AMOTL1: variants seen among roughly 807,000 people sequenced by gnomAD.
AMOTL1 encodes angiomotin-like protein 1.
A neutral mutation model predicts 102.9 loss-of-function variants in AMOTL1; 45 were observed. The observed-to-expected ratio is 0.44, with a 90% CI of 0.34 to 0.56. The LOEUF (loss-of-function observed/expected upper bound fraction) is 0.56, where lower values mean the gene tolerates loss of function less well. Among genes scored for constraint, AMOTL1 ranks in the 20% least tolerant of loss-of-function variants. The probability of loss-of-function intolerance (pLI) is 0.01; values close to 1 mark genes in which losing one functional copy is unlikely to be tolerated. For missense variants in AMOTL1, 1,114 were observed against 1,225.6 expected, an observed-to-expected ratio of 0.91 and a Z score of 1.36; for synonymous variants, 481 against 484.7, an observed-to-expected ratio of 0.99 and a Z score of 0.10.
At position 94,875,915 on chromosome 11, in the gene AMOTL1, A is replaced by C. The variant is rs910772470; in HGVS notation, c.*5120A>C. The C allele has an allele frequency of 1.3e-5, 2 of 152,606 alleles. No homozygotes were observed. The highest frequency in any genetic ancestry group is 6.5e-5 in the Admixed American group (1 of 15,278). 9.5% of individuals were successfully genotyped at this position (152,606 alleles called of 1,614,324 possible). ...ATATAAGTGCATAATCATTCATATA[A>C]ACATCTGGTAGGTATTCTGTAAAAC... On this transcript the variant is annotated 3_prime_UTR_variant, in exon 13 of 13. Transcript: ENST00000433060.
intron 1 of AMOTL1, among the ~76,000 whole-genome samples, chr11:94,781,371 A>C (rs1247679079): frequency 6.6e-6 from 1 of 152,214 alleles, no homozygotes; most frequent in African/African-American, 2.4e-5. Context: ...CTGGGCAGGG[A>C]GATAACTCAT....
Position 94,866,162 on chromosome 11 carries a change from A to G in AMOTL1, c.2482A>G (p.Ser828Gly), listed in dbSNP as rs772375191. The change falls in exon 11 of 13, where the codon AGC (serine) becomes GGC (glycine). Residue 828 changes from serine to glycine, a missense_variant. Coordinates refer to ENST00000433060, the MANE Select transcript of AMOTL1 (RefSeq NM_130847.3). ...EKKEEKTWKG[S>G]IGLLLGKEHH... ...GAAGGAAGAGAAGACCTGGAAGGGGAGCATAGGTGAGCCCCACACCTCTGT... is the reference window on the plus strand; with the variant it reads ...GAAGGAAGAGAAGACCTGGAAGGGGGGCATAGGTGAGCCCCACACCTCTGT... 1.2e-4 allele frequency: 193 copies of G among 1,613,678 alleles called. No homozygotes were observed. The highest frequency in any genetic ancestry group is 1.5e-4 in the Non-Finnish European group (181 of 1,179,764).
upstream of AMOTL1, chr11:94,768,275 G>A: frequency 8.1e-6 from 10 of 1,240,990 alleles, no homozygotes; most frequent in Non-Finnish European, 1.0e-5. Context: ...CGGCGGGGGT[G>A]GAGTGTAGGG....
At chr11:94,778,365 A>G (rs1047265051) in intron 1 of AMOTL1, among the ~76,000 whole-genome samples, 4 of 152,076 alleles carry the variant, frequency 2.6e-5, no homozygotes, top group Non-Finnish European at 5.9e-5. Context: ...TGCCCTTTGG[A>G]TATCTTTTTT....
chr11:94,809,965 T>C (rs1033770051), intron 3 of AMOTL1, among the ~76,000 whole-genome samples: 3 of 152,222 alleles, frequency 2.0e-5, no homozygotes, highest in Non-Finnish European at 4.4e-5. Flanking sequence ...TACATAGATA[T>C]ACTAGACACA....
At chr11:94,715,675 T>C (rs1318644747) in intron 1 of AMOTL1, among the ~76,000 whole-genome samples, 1 of 152,174 alleles carries the variant, frequency 6.6e-6, no homozygotes, top group East Asian at 1.9e-4. Flanking sequence ...AAATATATTG[T>C]GTCAGGTCCT....
chr11:94,800,094 A>G lies in AMOTL1; in HGVS notation c.904A>G (p.Lys302Glu), dbSNP rs1389879188. ...GCCCTCCCCTGCCCAGCCTGCAGGT[A>G]AAGTGCTGGACCCTCGGGGTCCTCC... ...GGPSPAQPAG[K>E]VLDPRGPPPE... The change falls in exon 3 of 13, where the codon AAA becomes GAA. Residue 302 changes from lysine to glutamate, a missense_variant. By Grantham distance (56) the Lys-to-Glu change is moderately conservative (BLOSUM62 1). Transcript: ENST00000433060. 13 of 1,613,810 alleles carry G rather than the reference A, an allele frequency of 8.1e-6. No homozygotes were observed. The highest frequency in any genetic ancestry group is 6.7e-5 in the East Asian group (3 of 44,892).
At chr11:94,715,680 G>A (rs1482421922) in intron 1 of AMOTL1, among the ~76,000 whole-genome samples, 2 of 152,088 alleles carry the variant, frequency 1.3e-5, no homozygotes, top group African/African-American at 4.8e-5. Context: ...TATTGTGTCA[G>A]GTCCTTCTGG....
chr11:94,841,542 T>C (rs1952302674), intron 6 of AMOTL1, among the ~76,000 whole-genome samples: 1 of 152,252 alleles, frequency 6.6e-6, no homozygotes, highest in Non-Finnish European at 1.5e-5. Flanking sequence ...TGATTTAAAA[T>C]GGAATCACTA....
At chr11:94,716,451 C>A (rs996577446) in intron 1 of AMOTL1, among the ~76,000 whole-genome samples, 7 of 152,124 alleles carry the variant, frequency 4.6e-5, no homozygotes, top group Admixed American at 4.6e-4. Flanking sequence ...TATTTTAGAA[C>A]ATGCTTCATA....
chr11:94,766,779 T>A (rs2135508080), upstream of AMOTL1, among the ~76,000 whole-genome samples: 1 of 152,362 alleles, frequency 6.6e-6, no homozygotes, highest in South Asian at 2.1e-4. Flanking sequence ...ATTGGACAAG[T>A]CATTCAACAG....
In AMOTL1 at chr11:94,818,925, C is replaced by T. The variant is rs115882883; in HGVS notation, c.1122-2605C>T. On this transcript the variant is annotated intron_variant, in intron 3 of 12. Coordinates refer to ENST00000433060, the MANE Select transcript of AMOTL1 (RefSeq NM_130847.3). ...TTTACATATATAAACCACTTTCATA[C>T]CTGCCTATTGATGTGTGGACTTCAG... Among the ~76,000 whole-genome samples, 135 of 152,288 alleles carry T rather than the reference C, an allele frequency of 8.9e-4. 1 individual carries two copies. Among genetic ancestry groups the T allele is most frequent in the African/African-American group, 3.2e-3 (131 of 41,558 alleles).
intron 3 of AMOTL1, among the ~76,000 whole-genome samples, chr11:94,758,594 C>G (rs1392649551): frequency 6.6e-6 from 1 of 152,178 alleles, no homozygotes; most frequent in African/African-American, 2.4e-5. Flanking sequence ...CCAGCACTGT[C>G]ATGAGCCTCA....
intron 3 of AMOTL1, among the ~76,000 whole-genome samples, chr11:94,806,601 C>T (rs909857789): frequency 7.2e-5 from 11 of 152,206 alleles, no homozygotes; most frequent in African/African-American, 2.2e-4. Context: ...GGAGTTTCTC[C>T]GGTATTTAGG....
chr11:94,795,139 A>G lies in AMOTL1; in HGVS notation c.178A>G (p.Ser60Gly), dbSNP rs752386971. ...ATCTGCTTTGACGGTGGAGGCAACC[A>G]GTAGCATCAGGGAAAAAGTTGGTAA... ...ETSALTVEAT[S>G]SIREKVVEDP... Residue 60 changes from serine to glycine, a missense_variant, in exon 2 of 13, where the codon AGT becomes GGT. Transcript: ENST00000433060. 6 of 1,613,834 alleles carry G rather than the reference A, an allele frequency of 3.7e-6. No individual in the cohort carries two copies. The highest frequency in any genetic ancestry group is 5.1e-6 in the Non-Finnish European group (6 of 1,179,822).
chr11:94,747,658 A>C (rs1483590446), intron 3 of AMOTL1, among the ~76,000 whole-genome samples: 2 of 152,226 alleles, frequency 1.3e-5, no homozygotes, highest in Admixed American at 1.3e-4. Flanking sequence ...CCCCAGTGTC[A>C]GTGGCTTAAC....
At chr11:94,845,350 G>T (rs887435067) in intron 6 of AMOTL1, among the ~76,000 whole-genome samples, 2 of 152,210 alleles carry the variant, frequency 1.3e-5, no homozygotes, top group African/African-American at 4.8e-5. Flanking sequence ...TAACGTACGG[G>T]TGGAGACACA....
In AMOTL1 at chr11:94,830,095, G is replaced by A. The variant is rs1404679418; in HGVS notation, c.1459G>A (p.Val487Ile). The A allele has an allele frequency of 6.2e-7, 1 of 1,609,462 alleles. No individual in the cohort carries two copies. The change falls in exon 5 of 13, where the codon GTC becomes ATC. Residue 487 changes from valine (V) to isoleucine (I), a missense_variant. Coordinates refer to ENST00000433060, the MANE Select transcript of AMOTL1 (RefSeq NM_130847.3). ...AATTTCGGAAGCCTATGAAAGTCTG[G>A]TCAAGTCTACCACCAAGCGAGAATC... is the stretch of plus-strand genomic sequence containing the variant. The part of the protein sequence containing the change: ...QRISEAYESL[V>I]KSTTKRESLD...
At chr11:94,710,041 C>T (rs931088323) in intron 1 of AMOTL1, among the ~76,000 whole-genome samples, 7 of 152,206 alleles carry the variant, frequency 4.6e-5, no homozygotes, top group African/African-American at 1.7e-4. Context: ...ACATTTCTCA[C>T]ACTCACACAT....
Sources: allele counts gnomAD v4.1 joint callset (sites outside exome capture counted in the v4.1 genomes callset), GRCh38; gene constraint gnomAD v4.1.1; transcripts MANE v1.5; gene names NCBI Gene and HGNC (gene_info 2026-07-23, HGNC 2026-07-21).